The following METTL16 variants were observed in gnomAD, a reference collection of about 807,000 sequenced individuals.
METTL16 encodes RNA N(6)-adenosine-methyltransferase METTL16.
METTL16 carries 19 observed loss-of-function variants against 57.9 expected under a neutral mutation model. The observed-to-expected ratio is 0.33, with a 90% CI of 0.23 to 0.48. The LOEUF is 0.48. Ranked by LOEUF, METTL16 falls within the 20% of genes least tolerant of loss-of-function variation. The pLI, the probability that METTL16 is intolerant of heterozygous loss-of-function variation, is 0.99. For missense variants in METTL16, 434 were observed against 691.5 expected, an observed-to-expected ratio of 0.63 and a Z score of 4.18; for synonymous variants, 246 against 255.6, an observed-to-expected ratio of 0.96 and a Z score of 0.36.
chr17:2,505,395 A>ATTTTTT (rs564797281), intron 1 of METTL16, among the ~76,000 whole-genome samples: 11 of 50,590 alleles, frequency 2.2e-4, no homozygotes, highest in African/African-American at 7.0e-4. Flanking sequence ...GCCCAGAGGC[A>ATTTTTT]TTTTTTTTTT....
intron 6 of METTL16, among the ~76,000 whole-genome samples, chr17:2,452,136 CAAAAA>C (rs1268908998): frequency 1.6e-5 from 1 of 62,172 alleles, no homozygotes; most frequent in Non-Finnish European, 4.3e-5. Flanking sequence ...GCCCTTGTCT[CAAAAA>C]AAAAAAAAAA....
chr17:2,435,698 G>C (rs562956588), intron 8 of METTL16, among the ~76,000 whole-genome samples: 17 of 151,022 alleles, frequency 1.1e-4, no homozygotes, highest in Non-Finnish European at 1.5e-4. Context: ...ACTCTGGCAG[G>C]GGGGAGTCTG....
At chr17:2,430,476 C>A (rs1248553337) in intron 8 of METTL16, among the ~76,000 whole-genome samples, 3 of 130,150 alleles carry the variant, frequency 2.3e-5, no homozygotes, top group Non-Finnish European at 4.6e-5. Flanking sequence ...AGTGCAGTGG[C>A]GGGATCTCGG....
At chr17:2,454,973 T>C (rs1327052176) in intron 6 of METTL16, among the ~76,000 whole-genome samples, 1 of 152,146 alleles carries the variant, frequency 6.6e-6, no homozygotes, top group East Asian at 1.9e-4. Context: ...CAGGCTGGAG[T>C]GCAGTGGCGC....
At chr17:2,459,500 T>C (rs1452248937) in intron 6 of METTL16, among the ~76,000 whole-genome samples, 1 of 152,218 alleles carries the variant, frequency 6.6e-6, no homozygotes, top group Non-Finnish European at 1.5e-5. Context: ...TTAACTTATT[T>C]CACCCCATAA....
Position 2,507,007 on chromosome 17 carries a change from C to T in METTL16, c.1-4676G>A, listed in dbSNP as rs1236898775. Among the ~76,000 whole-genome samples the T allele has an allele frequency of 5.3e-5, 6 of 113,916 alleles. No individual in the cohort carries two copies. The Admixed American group carries it at 5.7e-4, about 11-fold the overall frequency. The allele number at this position is 113,916 out of a possible 152,430, so 74.7% of individuals were successfully genotyped here. A position where few individuals can be genotyped will look rare whatever the true frequency, so the allele number is the denominator to read the frequency against. On this transcript the variant is annotated intron_variant, in intron 1 of 9. Transcript: ENST00000263092. ...CGGAGAAGTGAGGAGCCCCTCCGCC[C>T]GGCAGCCACCCCGTCTGGGAAGTGA...
intron 2 of METTL16, among the ~76,000 whole-genome samples, chr17:2,492,185 TG>T (rs1174047655): frequency 6.6e-6 from 1 of 152,166 alleles, no homozygotes; most frequent in Non-Finnish European, 1.5e-5. Flanking sequence ...CACTCCAGCC[TG>T]GGCGACAGAG....
intron 2 of METTL16, among the ~76,000 whole-genome samples, chr17:2,497,194 C>T (rs551866773): frequency 2.7e-5 from 4 of 150,094 alleles, no homozygotes; most frequent in African/African-American, 7.4e-5. Flanking sequence ...TTAGTAGAGA[C>T]GGGGTTTCAC....
intron 5 of METTL16, among the ~76,000 whole-genome samples, chr17:2,467,139 C>T (rs1211428337): frequency 1.4e-4 from 21 of 152,018 alleles, no homozygotes; most frequent in Admixed American, 1.2e-3. Flanking sequence ...GCTGAATCCA[C>T]GATGCGGAAC....
chr17:2,477,604 C>T (rs2067277168), intron 3 of METTL16, 82 bp downstream of exon 3: 2 of 998,450 alleles, frequency 2.0e-6, no homozygotes, highest in Non-Finnish European at 3.1e-6. Context: ...CAACAAATAC[C>T]CAGTAGAAAA....
intron 1 of METTL16, among the ~76,000 whole-genome samples, chr17:2,505,587 A>C (rs956689775): frequency 4.0e-5 from 6 of 151,526 alleles, no homozygotes; most frequent in Admixed American, 6.6e-5. Context: ...ATTTCCTTAG[A>C]GACTACATTG....
chr17:2,505,619 T>C (rs1466780632), intron 1 of METTL16, among the ~76,000 whole-genome samples: 1 of 151,932 alleles, frequency 6.6e-6, no homozygotes, highest in Admixed American at 6.6e-5. Context: ...CTTGAACTCC[T>C]GAGCTTAAGC....
chr17:2,452,249 A>G (rs1315027149), intron 6 of METTL16, among the ~76,000 whole-genome samples: 1 of 152,186 alleles, frequency 6.6e-6, no homozygotes, highest in South Asian at 2.1e-4. Context: ...GATACTTAAT[A>G]GACACTCGGG....
intron 6 of METTL16, among the ~76,000 whole-genome samples, chr17:2,449,258 C>T (rs982879366): frequency 1.3e-5 from 2 of 152,126 alleles, no homozygotes; most frequent in Non-Finnish European, 2.9e-5. Context: ...GTTAAGGTAT[C>T]AATTCTTTCC....
intron 1 of METTL16, among the ~76,000 whole-genome samples, chr17:2,504,376 T>C (rs1382238612): frequency 6.6e-6 from 1 of 152,212 alleles, no homozygotes; most frequent in Non-Finnish European, 1.5e-5. Flanking sequence ...AAATTTTATG[T>C]TATGTATATT....
chr17:2,474,277 A>C (rs1361172534), intron 3 of METTL16, among the ~76,000 whole-genome samples: 1 of 151,748 alleles, frequency 6.6e-6, no homozygotes, highest in Non-Finnish European at 1.5e-5. Flanking sequence ...ATCAATGTAC[A>C]TTCCATTCTC....
intron 2 of METTL16, among the ~76,000 whole-genome samples, chr17:2,487,304 AGAG>A (rs2067350625): frequency 1.3e-5 from 2 of 152,368 alleles, no homozygotes; most frequent in East Asian, 3.9e-4. Context: ...AGCCCAGAGA[AGAG>A]GTGTGTAGAA....
Position 2,458,122 on chromosome 17 carries a change from G to A in METTL16, c.728+6086C>T, listed in dbSNP as rs568958421. Reference sequence around the variant, plus strand: ...CTCAATCTCCTGAGCTCAACTGATCGTCCTACCTCAGCCTCCCAAAGTGCT... The same window carrying A: ...CTCAATCTCCTGAGCTCAACTGATCATCCTACCTCAGCCTCCCAAAGTGCT... On this transcript the variant is annotated intron_variant, in intron 6 of 9. Transcript: ENST00000263092. Among the ~76,000 whole-genome samples the A allele has an allele frequency of 7.2e-5, 11 of 152,142 alleles. No individual in the cohort carries two copies. The Middle Eastern group carries it at 0.02, about 282-fold the overall frequency.
intron 6 of METTL16, among the ~76,000 whole-genome samples, chr17:2,448,801 TTAAA>T (rs1190681676): frequency 2.1e-5 from 1 of 47,420 alleles, no homozygotes; most frequent in African/African-American, 1.9e-4. Flanking sequence ...AAAATAAAAT[TTAAA>T]AAAAAAAAAA....
Sources: gnomAD v4.1 joint callset for allele counts (sites outside exome capture counted in the v4.1 genomes callset) on GRCh38, gnomAD v4.1.1 for gene constraint, MANE v1.5 for transcripts, NCBI Gene and HGNC (gene_info 2026-07-23, HGNC 2026-07-21) for gene names.